Variants in NAALADL2 observed in about 807,000 individuals in gnomAD.
The protein encoded by NAALADL2 is N-acetylated alpha-linked acidic dipeptidase like 2, also known as inactive N-acetylated-alpha-linked acidic dipeptidase-like protein 2.
In NAALADL2, 76 loss-of-function variants were observed where a neutral mutation model predicts 87.2. That is an observed-to-expected ratio of 0.87 (90% CI 0.72 to 1.05). NAALADL2 has a LOEUF of 1.05. NAALADL2 is among the 50% of genes least tolerant of loss of function. The pLI is 0.00. For synonymous variants in NAALADL2, 354 were observed against 331.0 expected, an observed-to-expected ratio of 1.07 and a Z score of -0.75; for missense variants, 1,089 against 945.8, an observed-to-expected ratio of 1.15 and a Z score of -1.99.
At chr3:175,652,231 G>A (rs967065940) in intron 11 of NAALADL2, among the ~76,000 whole-genome samples, 29 of 152,114 alleles carry the variant, frequency 1.9e-4, no homozygotes, top group African/African-American at 7.0e-4. Flanking sequence ...CCCCTTTTCA[G>A]ACATCAACAT....
intron 9 of NAALADL2, among the ~76,000 whole-genome samples, chr3:175,575,784 G>A (rs182846324): frequency 1.3e-5 from 2 of 152,158 alleles, no homozygotes; most frequent in Non-Finnish European, 2.9e-5. Context: ...AGCAACAACA[G>A]CAAGCAAAGC....
chr3:175,665,921 C>T (rs1477171100), intron 11 of NAALADL2, among the ~76,000 whole-genome samples: 6 of 151,362 alleles, frequency 4.0e-5, no homozygotes, highest in Non-Finnish European at 8.8e-5. Context: ...CAGAGTGGGA[C>T]TCTGTCCCCC....
At chr3:175,102,465 C>T (rs937576970) in intron 2 of NAALADL2, among the ~76,000 whole-genome samples, 1 of 152,092 alleles carries the variant, frequency 6.6e-6, no homozygotes, top group Non-Finnish European at 1.5e-5. Flanking sequence ...AAAGGAGTTT[C>T]CCCATGGCTT....
intron 1 of NAALADL2, among the ~76,000 whole-genome samples, chr3:174,446,597 G>T (rs1421119998): frequency 6.6e-6 from 1 of 152,120 alleles, no homozygotes; most frequent in African/African-American, 2.4e-5. Flanking sequence ...GTGTATGTGT[G>T]TATTTTCATT....
chr3:175,602,392 T>C (rs892594696), intron 10 of NAALADL2, among the ~76,000 whole-genome samples: 2 of 152,068 alleles, frequency 1.3e-5, no homozygotes, highest in Non-Finnish European at 2.9e-5. Flanking sequence ...TGATAAGTAC[T>C]ATATATCTAT....
intron 13 of NAALADL2, among the ~76,000 whole-genome samples, chr3:175,796,856 G>C (rs1753558591): frequency 6.6e-6 from 1 of 152,032 alleles, no homozygotes; most frequent in Non-Finnish European, 1.5e-5. Flanking sequence ...ATTTGAAAAA[G>C]AGTCATTATT....
chr3:175,783,416 C>CTTCCCATCCCTTGTAAGTTGGATTCCTAG (rs1751440654), intron 13 of NAALADL2, among the ~76,000 whole-genome samples: 1 of 150,702 alleles, frequency 6.6e-6, no homozygotes, highest in Non-Finnish European at 1.5e-5. Context: ...TGAAGAGGTC[C>CTTCCCATCCCTTGTAAGTTGGATTCCTAG]TTCCCATCCC....
chr3:175,305,680 G>A (rs1757631780), intron 4 of NAALADL2, among the ~76,000 whole-genome samples: 2 of 151,868 alleles, frequency 1.3e-5, no homozygotes, highest in South Asian at 2.1e-4. Context: ...GCACCACCAC[G>A]CCCGGCTAAT....
At chr3:174,527,213 A>G (rs112955844) in intron 1 of NAALADL2, among the ~76,000 whole-genome samples, 2,728 of 152,208 alleles carry the variant, frequency 0.018, 86 homozygotes, top group African/African-American at 0.062. Context: ...AAACAGACAT[A>G]TATCAGTGAT....
chr3:175,740,257 T>C (rs1195187114), intron 12 of NAALADL2, among the ~76,000 whole-genome samples: 4 of 152,160 alleles, frequency 2.6e-5, no homozygotes, highest in African/African-American at 9.7e-5. Context: ...GACTAGTGGA[T>C]TTAGCAATGT....
intron 13 of NAALADL2, among the ~76,000 whole-genome samples, chr3:175,781,750 G>A (rs907478206): frequency 6.6e-6 from 1 of 150,526 alleles, no homozygotes; most frequent in African/African-American, 2.4e-5. Flanking sequence ...TAGGGTACAT[G>A]TGCACATTGT....
chr3:174,569,047 A>T (rs1430657159), intron 2 of NAALADL2, among the ~76,000 whole-genome samples: 1 of 151,644 alleles, frequency 6.6e-6, no homozygotes, highest in Non-Finnish European at 1.5e-5. Flanking sequence ...CTATGGCCTA[A>T]TAATGAATTT....
chr3:174,944,521 T>C (rs891693047), intron 1 of NAALADL2, among the ~76,000 whole-genome samples: 1 of 152,170 alleles, frequency 6.6e-6, no homozygotes, highest in Non-Finnish European at 1.5e-5. Context: ...TGAGGTGCCA[T>C]GGAAGTATGG....
intron 3 of NAALADL2, among the ~76,000 whole-genome samples, chr3:174,830,732 C>T (rs113686423): frequency 0.1 from 15,768 of 151,982 alleles, 954 homozygotes; most frequent in Middle Eastern, 0.15. Context: ...ATTCTTCCTA[C>T]CCATGAGCAT....
intron 1 of NAALADL2, among the ~76,000 whole-genome samples, chr3:174,485,872 A>G (rs928347590): frequency 1.3e-4 from 19 of 151,930 alleles, no homozygotes; most frequent in African/African-American, 4.3e-4. Context: ...TTTGGGTTTT[A>G]TATTTAAGTC....
chr3:175,265,496 TCTGA>T (rs1751775155), intron 4 of NAALADL2, among the ~76,000 whole-genome samples: 1 of 151,670 alleles, frequency 6.6e-6, no homozygotes, highest in South Asian at 2.1e-4. Flanking sequence ...TCTCTTTTTG[TCTGA>T]CTGTCTCTTG....
At chr3:175,080,035 G>A (rs1186056155) in intron 1 of NAALADL2, among the ~76,000 whole-genome samples, 1 of 151,048 alleles carries the variant, frequency 6.6e-6, no homozygotes, top group Non-Finnish European at 1.5e-5. Flanking sequence ...GAGCGATCTC[G>A]GCTCACTGCA....
At chr3:175,729,375 A>G (rs1483905651) in intron 11 of NAALADL2, among the ~76,000 whole-genome samples, 6 of 152,158 alleles carry the variant, frequency 3.9e-5, no homozygotes, top group Non-Finnish European at 7.3e-5. Flanking sequence ...TGAATTAACA[A>G]TGGCCTGAGA....
intron 9 of NAALADL2, among the ~76,000 whole-genome samples, chr3:175,522,092 A>G (rs1165624605): frequency 6.6e-6 from 1 of 152,224 alleles, no homozygotes; most frequent in African/African-American, 2.4e-5. Context: ...CCTATTAGCT[A>G]TAAAAACAGT....
Sources: allele counts gnomAD v4.1 joint callset (sites outside exome capture counted in the v4.1 genomes callset), GRCh38; gene constraint gnomAD v4.1.1; transcripts MANE v1.5; gene names NCBI Gene and HGNC (gene_info 2026-07-23, HGNC 2026-07-21).